KRAS: variants seen among roughly 807,000 people sequenced by gnomAD.
KRAS encodes the protein KRas proto-oncogene, GTPase, also known as GTPase KRas.
A neutral mutation model predicts 21.0 loss-of-function variants in KRAS; 1 was observed. That is an observed-to-expected ratio of 0.05 (90% confidence interval 0.02 to 0.23). The LOEUF (loss-of-function observed/expected upper bound fraction) is 0.23. KRAS is among the 10% of genes least tolerant of loss of function. The pLI is 1.00. For synonymous variants in KRAS, 67 were observed against 72.5 expected (o/e 0.92, Z 0.39); for missense variants, 107 against 221.8 (o/e 0.48, Z 3.29).
At position 25,227,808 on chromosome 12, in the gene KRAS, AAC is replaced by A. The variant is rs1228150439; in HGVS notation, c.112-398_112-397del. ...ACAGTGGTAGTTCCTCAAAAAGTTA[AAC>A]ACAGAATTACCATATGATCAGCAAT... On this transcript the variant is annotated intron_variant, in intron 2 of 4. Coordinates refer to ENST00000311936, the MANE Select transcript of KRAS (RefSeq NM_004985.5). 2.0e-5 allele frequency among the ~76,000 whole-genome samples: 3 copies of A among 152,234 alleles called. No homozygotes were observed. The East Asian group carries it at 5.8e-4, about 29-fold the overall frequency.
intron 2 of KRAS, among the ~76,000 whole-genome samples, chr12:25,229,797 CTCGCTCTG>C (rs1188804967): frequency 6.9e-6 from 1 of 144,122 alleles, no homozygotes; most frequent in Non-Finnish European, 1.5e-5. Flanking sequence ...GAGATGGAGT[CTCGCTCTG>C]TCGCCCAGGC....
chr12:25,225,473 C>T (rs1258179277), intron 4 of KRAS, 141 bp downstream of exon 4: 2 of 837,048 alleles, frequency 2.4e-6, no homozygotes, highest in South Asian at 3.1e-5. Context: ...GAAGCAATGC[C>T]CTCTCAAGAG....
At chr12:25,243,087 C>T (rs987715066) in intron 2 of KRAS, among the ~76,000 whole-genome samples, 7 of 152,178 alleles carry the variant, frequency 4.6e-5, no homozygotes, top group African/African-American at 1.7e-4. Flanking sequence ...CTGACCCACA[C>T]GGATTGGTAA....
At position 25,232,018 on chromosome 12, in the gene KRAS, T is replaced by C. The variant is rs111341572; in HGVS notation, c.112-4606A>G. Among the ~76,000 whole-genome samples the C allele has an allele frequency of 6.4e-3, 980 of 152,204 alleles. 16 individuals are homozygous for C. The highest frequency in any genetic ancestry group is 0.022 in the African/African-American group (917 of 41,500). ...GTTCCAAGACCCCCCCAGCCTCTAGTCCTACAGTTGGCCCAGGAACATCCA... is the reference window on the plus strand; with the variant it reads ...GTTCCAAGACCCCCCCAGCCTCTAGCCCTACAGTTGGCCCAGGAACATCCA... On this transcript the variant is annotated intron_variant, in intron 2 of 4. Coordinates refer to ENST00000311936, the MANE Select transcript of KRAS (RefSeq NM_004985.5).
At position 25,209,180 on chromosome 12, in the gene KRAS, T is replaced by G. The variant is rs1374496064; in HGVS notation, c.*615A>C. 4 of 662,828 alleles carry G rather than the reference T, an allele frequency of 6.0e-6. No individual in the cohort carries two copies. Among genetic ancestry groups the G allele is most frequent in the South Asian group, 5.2e-5 (3 of 58,078 alleles). 41.1% of individuals were successfully genotyped at this position (662,828 alleles called of 1,614,324 possible). A position where few individuals can be genotyped will look rare whatever the true frequency, so the allele number is the denominator to read the frequency against. On this transcript the variant is annotated 3_prime_UTR_variant, in exon 5 of 5. Transcript: ENST00000311936. ...CATTGCCTTGTAATTTTTTTCCATT[T>G]TTTTCTTTTTATAGAAAAAATATAA...
chr12:25,232,618 AG>A (rs1163140665), intron 2 of KRAS, among the ~76,000 whole-genome samples: 1 of 152,210 alleles, frequency 6.6e-6, no homozygotes, highest in Non-Finnish European at 1.5e-5. Context: ...CTTTTAAATT[AG>A]GTACATAAGT....
At chr12:25,232,016 A>G (rs1021554720) in intron 2 of KRAS, among the ~76,000 whole-genome samples, 2 of 152,284 alleles carry the variant, frequency 1.3e-5, no homozygotes, top group African/African-American at 4.8e-5. Flanking sequence ...CCCAGCCTCT[A>G]GTCCTACAGT....
intron 2 of KRAS, among the ~76,000 whole-genome samples, chr12:25,238,892 C>T (rs1951575281): frequency 1.3e-5 from 2 of 152,132 alleles, no homozygotes; most frequent in South Asian, 4.1e-4. Context: ...AAACATTTAT[C>T]CAATTAAATC....
In KRAS at chr12:25,206,119, A is replaced by AAATC. The variant is rs1374306014; in HGVS notation, c.*3672_*3675dup. 4.6e-6 allele frequency: 1 copy of AAATC among 215,510 alleles called. No homozygotes were observed. Among genetic ancestry groups the AAATC allele is most frequent in the African/African-American group, 2.3e-5 (1 of 44,440 alleles). The allele number at this position is 215,510 out of a possible 1,614,324, so 13.3% of individuals were successfully genotyped here. A position where few individuals can be genotyped will look rare whatever the true frequency, so the allele number is the denominator to read the frequency against. On this transcript the variant is annotated 3_prime_UTR_variant, in exon 5 of 5. Transcript: ENST00000311936. ...AGAAAAAATGTTTAGAAGAAAAAAAAAATCAATGGAATACAAATGAGATGA... is the reference window on the plus strand; with the variant it reads ...AGAAAAAATGTTTAGAAGAAAAAAAAAATCAATCAATGGAATACAAATGAGATGA...
Position 25,209,925 on chromosome 12 carries a change from A to C in KRAS, c.451-14T>G. ...ATCATCAACACCCTGAAATACATAA[A>C]AAGTATTAAAATGTGAATATATACG... On this transcript the variant is annotated splice_polypyrimidine_tract_variant and intron_variant, in intron 4 of 4. Transcript: ENST00000311936. The C allele has an allele frequency of 3.1e-6, 5 of 1,591,390 alleles. No individual in the cohort carries two copies. The highest frequency in any genetic ancestry group is 3.4e-6 in the Non-Finnish European group (4 of 1,163,842).
intron 4 of KRAS, among the ~76,000 whole-genome samples, chr12:25,221,234 C>CT (rs34499686): frequency 0.02 from 2,766 of 138,772 alleles, 105 homozygotes; most frequent in East Asian, 0.11. Context: ...CAGCCACAGC[C>CT]TTTTTTTTTT....
Position 25,245,387 on chromosome 12 carries a change from T to C in KRAS, c.-3A>G, listed in dbSNP as rs749956607. 17 of 1,608,266 alleles carry C rather than the reference T, an allele frequency of 1.1e-5. No individual in the cohort carries two copies. Among genetic ancestry groups the C allele is most frequent in the Non-Finnish European group, 1.4e-5 (17 of 1,176,350 alleles). ...ACCACAAGTTTATATTCAGTCATTT[T>C]CAGCAGGCCTTATAATAAAAATAAT... On this transcript the variant is annotated 5_prime_UTR_variant, in exon 2 of 5. Coordinates refer to ENST00000311936, the MANE Select transcript of KRAS (RefSeq NM_004985.5).
At chr12:25,210,717 A>T (rs920806229) in intron 4 of KRAS, 2 of 152,184 alleles carry the variant, frequency 1.3e-5, no homozygotes, top group African/African-American at 4.8e-5. Flanking sequence ...CTTGCCATAT[A>T]AAGCCAAATA....
chr12:25,249,402 C>T (rs1197442899), intron 1 of KRAS, among the ~76,000 whole-genome samples: 2 of 148,164 alleles, frequency 1.3e-5, no homozygotes, highest in African/African-American at 5.0e-5. Flanking sequence ...ACCATCCTGA[C>T]CAACATGATG....
intron 4 of KRAS, chr12:25,211,382 C>T (rs557963626): frequency 6.6e-6 from 1 of 152,244 alleles, no homozygotes; most frequent in Admixed American, 6.5e-5. Flanking sequence ...TCAGACCAGC[C>T]TGGCCAACAT....
At position 25,248,255 on chromosome 12, in the gene KRAS, G is replaced by A. The variant is rs376929934; in HGVS notation, c.-12+2496C>T. Among the ~76,000 whole-genome samples the A allele has an allele frequency of 2.3e-3, 352 of 152,130 alleles. 2 individuals carry two copies. Among genetic ancestry groups the A allele is most frequent in the African/African-American group, 8.1e-3 (337 of 41,550 alleles). ...GCGGGCGGATCACCTGAGGTCAGGA[G>A]GTCGAGACCAGCCTGGCCAACATGG... is the stretch of plus-strand genomic sequence containing the variant. On this transcript the variant is annotated intron_variant, in intron 1 of 4. Coordinates refer to ENST00000311936, the MANE Select transcript of KRAS (RefSeq NM_004985.5).
chr12:25,215,278 G>C (rs923572769), intron 4 of KRAS: 1 of 774,868 alleles, frequency 1.3e-6, no homozygotes, highest in African/African-American at 1.9e-5. Flanking sequence ...ATTCCCACTA[G>C]ATTAAAAATA....
At chr12:25,246,053 T>C (rs1024405882) in intron 1 of KRAS, among the ~76,000 whole-genome samples, 10 of 148,770 alleles carry the variant, frequency 6.7e-5, no homozygotes, top group African/African-American at 1.7e-4. Context: ...TTTTAATGTG[T>C]GAAATATCTC....
At chr12:25,217,980 A>T (rs1401898477) in intron 4 of KRAS, among the ~76,000 whole-genome samples, 2 of 152,200 alleles carry the variant, frequency 1.3e-5, no homozygotes, top group African/African-American at 4.8e-5. Flanking sequence ...CTTTGTCTTG[A>T]AAAAATTATG....
Sources: allele counts gnomAD v4.1 joint callset (sites outside exome capture counted in the v4.1 genomes callset), GRCh38; gene constraint gnomAD v4.1.1; transcripts MANE v1.5; gene names NCBI Gene and HGNC (gene_info 2026-07-23, HGNC 2026-07-21).